The following ECE1 variants were observed in gnomAD, a reference collection of about 807,000 sequenced individuals.
ECE1 encodes endothelin converting enzyme 1.
In ECE1, 35 loss-of-function variants were observed where a neutral mutation model predicts 98.6. That is an observed-to-expected ratio of 0.35 (90% CI 0.27 to 0.47). The LOEUF (loss-of-function observed/expected upper bound fraction) is 0.47. ECE1 is among the 20% of genes least tolerant of loss of function. The pLI is 1.00. For synonymous variants in ECE1, 394 were observed against 407.1 expected (o/e 0.97, Z 0.39); for missense variants, 814 against 1,025.3 (o/e 0.79, Z 2.81).
At chr1:21,305,281 C>T (rs1298444326) in intron 1 of ECE1, among the ~76,000 whole-genome samples, 1 of 152,188 alleles carries the variant, frequency 6.6e-6, no homozygotes, top group Admixed American at 6.5e-5. Context: ...TGATTAACAT[C>T]TGGATCCCTG....
chr1:21,276,440 G>C (rs891585996), intron 3 of ECE1, among the ~76,000 whole-genome samples: 1 of 152,198 alleles, frequency 6.6e-6, no homozygotes. Context: ...GTGATCAATT[G>C]AGAAAGCAGA....
At chr1:21,238,048 G>C in intron 11 of ECE1, 86 bp downstream of exon 11, 1 of 1,256,908 alleles carries the variant, frequency 8.0e-7, no homozygotes, top group Non-Finnish European at 1.2e-6. Flanking sequence ...GAAAGGCCCA[G>C]GGTGGGCTGG....
At chr1:21,323,896 C>A (rs1270313477) in intron 1 of ECE1, among the ~76,000 whole-genome samples, 1 of 151,106 alleles carries the variant, frequency 6.6e-6, no homozygotes, top group Non-Finnish European at 1.5e-5. Context: ...CGGCTCACTG[C>A]AACCTCCACC....
intron 1 of ECE1, among the ~76,000 whole-genome samples, chr1:21,310,380 C>G (rs1170440249): frequency 2.0e-5 from 3 of 152,186 alleles, no homozygotes; most frequent in Admixed American, 2.0e-4. Context: ...ATTAGAAAGT[C>G]CCAGGGAAGA....
At chr1:21,332,055 G>A (rs1387560374) in intron 1 of ECE1, among the ~76,000 whole-genome samples, 4 of 152,256 alleles carry the variant, frequency 2.6e-5, no homozygotes, top group Non-Finnish European at 5.9e-5. Context: ...CCGTGGACTT[G>A]AGCTCACTAA....
In ECE1 at chr1:21,235,769, C is replaced by T. The variant is rs1321149076; in HGVS notation, c.1566+81G>A. The T allele has an allele frequency of 4.2e-6, 6 of 1,417,276 alleles. No homozygotes were observed. The African/African-American group carries it at 8.5e-5, about 20-fold the overall frequency. The allele number at this position is 1,417,276 out of a possible 1,614,324, so 87.8% of individuals were successfully genotyped here. Reference sequence around the variant, plus strand: ...TTGACAACCATGCTGCCTCTAGCACCCCATCTGGACCCAGCCCTGCCTCGG... The same window carrying T: ...TTGACAACCATGCTGCCTCTAGCACTCCATCTGGACCCAGCCCTGCCTCGG... On this transcript the variant is annotated intron_variant, in intron 13 of 18. Coordinates refer to ENST00000374893, the MANE Select transcript of ECE1 (RefSeq NM_001397.3). This position sits in a 1 kb window ranked among gnomAD's most constrained non-coding sequence, Gnocchi z 4.2.
At chr1:21,289,980 G>C in intron 2 of ECE1, 90 bp downstream of exon 2, 2 of 1,258,196 alleles carry the variant, frequency 1.6e-6, no homozygotes, top group Non-Finnish European at 1.0e-6. Context: ...GGAAGAGGCG[G>C]GGTAGGTAGG....
chr1:21,228,528 G>A (rs1259071859), intron 14 of ECE1, among the ~76,000 whole-genome samples: 1 of 152,120 alleles, frequency 6.6e-6, no homozygotes, highest in Non-Finnish European at 1.5e-5. Context: ...GCTCATGCTT[G>A]TAATCCCAGG....
chr1:21,286,844 G>C (rs2098261068), intron 2 of ECE1, among the ~76,000 whole-genome samples: 1 of 151,634 alleles, frequency 6.6e-6, no homozygotes, highest in Non-Finnish European at 1.5e-5. Context: ...GAGAATCACA[G>C]GTCAAGGCTG....
At chr1:21,326,786 C>T (rs570944337) in intron 1 of ECE1, among the ~76,000 whole-genome samples, 114 of 152,208 alleles carry the variant, frequency 7.5e-4, no homozygotes, top group African/African-American at 2.6e-3. Flanking sequence ...CCTGCAGTTA[C>T]GGAGCCTGGA....
chr1:21,287,248 G>A (rs997296034), intron 2 of ECE1, among the ~76,000 whole-genome samples: 1 of 152,212 alleles, frequency 6.6e-6, no homozygotes, highest in African/African-American at 2.4e-5. Flanking sequence ...AGCACAGGCT[G>A]GATGTGGTGG....
rs1638621537 is a variant in ECE1, at chr1:21,307,365, GT to G, written c.4-17210del. ...AGCTGTGTGATGTTGAGCGAGTCAT[GT>G]CACCTCTCGGAGCCTCAATTTCCTC... On this transcript the variant is annotated intron_variant, in intron 1 of 18. Transcript: ENST00000415912. The surrounding 1 kb of genome is among the most constrained non-coding windows in gnomAD (Gnocchi z 4.2). Among the ~76,000 whole-genome samples, 8 of 152,310 alleles carry G rather than the reference GT, an allele frequency of 5.3e-5. No individual in the cohort carries two copies. The highest frequency in any genetic ancestry group is 2.1e-4 in the South Asian group (1 of 4,826).
intron 2 of ECE1, among the ~76,000 whole-genome samples, chr1:21,284,538 A>C (rs1318037730): frequency 6.6e-6 from 1 of 152,206 alleles, no homozygotes. Flanking sequence ...AGAGCGAGAG[A>C]GCTAGAGTAA....
rs768232414 is a variant in ECE1, at chr1:21,227,246, G to C, written c.1782-20C>G. ...AAGGCCCTGGAGGGAAAGACACAAA[G>C]GTAGAGATGATGCTTTGAGAGGAGG... On this transcript the variant is annotated intron_variant, in intron 15 of 18. Coordinates refer to ENST00000374893, the MANE Select transcript of ECE1 (RefSeq NM_001397.3). The C allele has an allele frequency of 3.1e-6, 5 of 1,612,492 alleles. No homozygotes were observed. The highest frequency in any genetic ancestry group is 2.5e-6 in the Non-Finnish European group (3 of 1,178,548).
Position 21,345,480 on chromosome 1 carries a change from G to T in ECE1, c.-102C>A. ...CCAGCCCAGCTGCTCGGACGGCTCG[G>T]CTGCCTGGCCCAGGCGGCGCGCTCA... is the stretch of plus-strand genomic sequence containing the variant. On this transcript the variant is annotated 5_prime_UTR_variant, in exon 1 of 19. Transcript: ENST00000415912. This position sits in a 1 kb window ranked among gnomAD's most constrained non-coding sequence, Gnocchi z 5.1. 2 of 1,115,170 alleles carry T rather than the reference G, an allele frequency of 1.8e-6. No individual in the cohort carries two copies. Among genetic ancestry groups the T allele is most frequent in the Non-Finnish European group, 2.3e-6 (2 of 883,322 alleles). The allele number at this position is 1,115,170 out of a possible 1,614,324, so 69.1% of individuals were successfully genotyped here. A position where few individuals can be genotyped will look rare whatever the true frequency, so the allele number is the denominator to read the frequency against.
intron 1 of ECE1, among the ~76,000 whole-genome samples, chr1:21,337,358 C>T (rs184870485): frequency 6.6e-6 from 1 of 152,322 alleles, no homozygotes; most frequent in African/African-American, 2.4e-5. Flanking sequence ...TGAATCCACA[C>T]AGAGAAAGCT....
At position 21,307,071 on chromosome 1, in the gene ECE1, C is replaced by T. The variant is rs1194287997; in HGVS notation, c.4-16915G>A. ...TGGGCTTAGGATGACTGAGGTCCACCGAGGACTCCCTCGTCTCCCTGCACT... is the reference window on the plus strand; with the variant it reads ...TGGGCTTAGGATGACTGAGGTCCACTGAGGACTCCCTCGTCTCCCTGCACT... On this transcript the variant is annotated intron_variant, in intron 1 of 18. Coordinates refer to the ECE1 transcript ENST00000415912. This position sits in a 1 kb window ranked among gnomAD's most constrained non-coding sequence, Gnocchi z 4.2. 7.2e-5 allele frequency among the ~76,000 whole-genome samples: 11 copies of T among 152,314 alleles called. No individual in the cohort carries two copies. Among genetic ancestry groups the T allele is most frequent in the Non-Finnish European group, 1.5e-4 (10 of 68,032 alleles).
intron 2 of ECE1, among the ~76,000 whole-genome samples, chr1:21,281,025 C>T (rs189809536): frequency 2.8e-4 from 43 of 152,270 alleles, no homozygotes; most frequent in African/African-American, 9.1e-4. Flanking sequence ...CCCATCTCTA[C>T]TAAAAAACAC....
intron 2 of ECE1, among the ~76,000 whole-genome samples, chr1:21,285,332 C>T (rs990958491): frequency 2.6e-5 from 4 of 152,162 alleles, no homozygotes; most frequent in African/African-American, 7.2e-5. Flanking sequence ...TCAAATATCC[C>T]ACTGTGTGTT....
Sources: allele counts gnomAD v4.1 joint callset (sites outside exome capture counted in the v4.1 genomes callset), GRCh38; gene constraint gnomAD v4.1.1; non-coding constraint Gnocchi (gnomAD v3.1); transcripts MANE v1.5; gene names NCBI Gene and HGNC (gene_info 2026-07-23, HGNC 2026-07-21).